CAPN5: variants seen among roughly 807,000 people sequenced by gnomAD.
CAPN5 encodes calpain 5, also known as calpain-5.
A neutral mutation model predicts 73.0 loss-of-function variants in CAPN5; 54 were observed. The ratio of observed to expected loss-of-function variants is 0.74; its 90% CI spans 0.59 to 0.93. CAPN5 has a LOEUF of 0.93. CAPN5 is among the 40% of genes least tolerant of loss of function. The pLI, the probability that CAPN5 is intolerant of heterozygous loss-of-function variation, is 0.00. For missense variants in CAPN5, 785 were observed against 882.9 expected (o/e 0.89, Z 1.41); for synonymous variants, 335 against 356.9 (o/e 0.94, Z 0.69).
rs1555042611 is a variant in CAPN5, at chr11:77,120,698, T to G, written c.1291-15T>G. Reference sequence around the variant, plus strand: ...GTGTGTCTCCGCGTGGCCCAGCCCCTCCCGCCTCCTGCAGGTGGAGGAGAA... The same window carrying G: ...GTGTGTCTCCGCGTGGCCCAGCCCCGCCCGCCTCCTGCAGGTGGAGGAGAA... On this transcript the variant is annotated splice_polypyrimidine_tract_variant and intron_variant, in intron 9 of 12. Transcript: ENST00000648180. 6.3e-7 allele frequency: 1 copy of G among 1,589,892 alleles called. No individual in the cohort carries two copies. The highest frequency in any genetic ancestry group is 2.2e-5 in the East Asian group (1 of 44,488).
intron 1 of CAPN5, among the ~76,000 whole-genome samples, chr11:77,083,471 T>G (rs1289348827): frequency 4.6e-5 from 7 of 152,180 alleles, no homozygotes; most frequent in Non-Finnish European, 8.8e-5. Flanking sequence ...AGGATCTGGG[T>G]TCCCGTCCGG....
Position 77,118,333 on chromosome 11 carries a change from C to A in CAPN5, c.1148C>A (p.Thr383Asn). Residue 383 changes from threonine (T) to asparagine (N), a missense_variant, in exon 8 of 13, where the codon ACC becomes AAC. Coordinates refer to ENST00000648180, the MANE Select transcript of CAPN5 (RefSeq NM_004055.5). The part of the protein sequence containing the change: ...RGGGCINHKD[T>N]FFQNPQYIFE... ...GGCGGCTGCATCAACCACAAGGACA[C>A]CTTCTTCCAGAACCCACAGGTGGGC... is the stretch of plus-strand genomic sequence containing the variant. The A allele has an allele frequency of 1.3e-6, 2 of 1,595,186 alleles. No homozygotes were observed. The highest frequency in any genetic ancestry group is 1.7e-6 in the Non-Finnish European group (2 of 1,170,220).
At chr11:77,108,061 G>A (rs958782550) in intron 3 of CAPN5, among the ~76,000 whole-genome samples, 9 of 152,230 alleles carry the variant, frequency 5.9e-5, no homozygotes, top group African/African-American at 2.2e-4. Flanking sequence ...TGAAAGTGAA[G>A]TCACTGCCAT....
At chr11:77,110,926 C>T (rs1950404543) in intron 3 of CAPN5, among the ~76,000 whole-genome samples, 1 of 151,828 alleles carries the variant, frequency 6.6e-6, no homozygotes, top group African/African-American at 2.4e-5. Flanking sequence ...CCCCCCATAC[C>T]TGGAGTGGTT....
chr11:77,122,553 C>A, intron 11 of CAPN5, 23 bp from the exon 12 acceptor site: 1 of 1,536,396 alleles, frequency 6.5e-7, no homozygotes, highest in Non-Finnish European at 8.9e-7. Context: ...ACCCTCACCC[C>A]ATCTCCCACT....
chr11:77,071,612 G>A (rs1049744117), intron 1 of CAPN5: 1 of 454,016 alleles, frequency 2.2e-6, no homozygotes. Context: ...TTTTACAGAT[G>A]AGAATTCTGA....
rs61670884 is a variant in CAPN5, at chr11:77,122,773, G to T, written c.1740+61G>T. On this transcript the variant is annotated intron_variant, in intron 12 of 12. Coordinates refer to ENST00000648180, the MANE Select transcript of CAPN5 (RefSeq NM_004055.5). Reference sequence around the variant, plus strand: ...CCTAGCCTGAGGCTTCCCCACTCAGGGGGACAAGCCCAGGTGGAAGACCCT... The same window carrying T: ...CCTAGCCTGAGGCTTCCCCACTCAGTGGGACAAGCCCAGGTGGAAGACCCT... 2.5e-6 allele frequency: 4 copies of T among 1,602,680 alleles called. No individual in the cohort carries two copies. The East Asian group carries it at 8.9e-5, about 36-fold the overall frequency.
chr11:77,110,632 G>A (rs782630962), intron 3 of CAPN5, among the ~76,000 whole-genome samples: 7 of 152,236 alleles, frequency 4.6e-5, no homozygotes, highest in Non-Finnish European at 8.8e-5. Flanking sequence ...AGGCTCAGGG[G>A]TGCTAGTGTG....
chr11:77,118,012 C>T (rs950424885), intron 7 of CAPN5, 145 bp from the exon 8 acceptor site: 1 of 666,664 alleles, frequency 1.5e-6, no homozygotes, highest in Non-Finnish European at 2.6e-6. Flanking sequence ...TGCCTGTGCC[C>T]TTGTGTGGGC....
rs1950567010 is a variant in CAPN5, at chr11:77,125,614, C to A, written c.*1744C>A. The A allele has an allele frequency of 7.1e-6, 1 of 140,698 alleles. No individual in the cohort carries two copies. The highest frequency in any genetic ancestry group is 2.6e-5 in the African/African-American group (1 of 38,342). 8.7% of individuals were successfully genotyped at this position (140,698 alleles called of 1,614,324 possible). The stretch of plus-strand genomic sequence containing the variant: ...CTATGTATCTCTGTATGCACACGCA[C>A]TATATATATATATATATATATATAT... On this transcript the variant is annotated 3_prime_UTR_variant, in exon 13 of 13. Transcript: ENST00000648180.
chr11:77,113,750 C>G (rs1218407157), intron 4 of CAPN5, among the ~76,000 whole-genome samples: 4 of 44,062 alleles, frequency 9.1e-5, no homozygotes, highest in East Asian at 9.0e-4. Context: ...GACCCAGTGG[C>G]CTTGGTTGTT....
intron 3 of CAPN5, among the ~76,000 whole-genome samples, chr11:77,101,924 G>A (rs1203556249): frequency 1.3e-5 from 2 of 152,240 alleles, no homozygotes; most frequent in Admixed American, 1.3e-4. Context: ...TAAGTGGTGG[G>A]ATTTGGGTAG....
chr11:77,098,919 C>T (rs1950249807), intron 3 of CAPN5, among the ~76,000 whole-genome samples: 1 of 107,062 alleles, frequency 9.3e-6, no homozygotes. Context: ...CGGAGAGGCT[C>T]CTCACTTCTC....
At chr11:77,080,822 A>G (rs1950019951) in intron 1 of CAPN5, among the ~76,000 whole-genome samples, 2 of 152,226 alleles carry the variant, frequency 1.3e-5, no homozygotes, top group African/African-American at 4.8e-5. Flanking sequence ...ACAGCAGCTC[A>G]GAGGGGTTCC....
intron 3 of CAPN5, among the ~76,000 whole-genome samples, chr11:77,097,464 G>GTTTTTTTTTTTTTTTTTTTTTTTTTTTT (rs58077755): frequency 1.3e-5 from 1 of 79,730 alleles, no homozygotes; most frequent in Non-Finnish European, 2.3e-5. Context: ...TTTCCTTCTA[G>GTTTTTTTTTTTTTTTTTTTTTTTTTTTT]TTTTTTTTTT....
chr11:77,100,490 GTGCCCCTC>G (rs1435093077), intron 3 of CAPN5, among the ~76,000 whole-genome samples: 1 of 152,094 alleles, frequency 6.6e-6, no homozygotes, highest in Non-Finnish European at 1.5e-5. Flanking sequence ...CAGAAGGTCG[GTGCCCCTC>G]TGCTCAGACC....
chr11:77,071,667 C>T (rs1555033099), intron 1 of CAPN5: 1 of 452,932 alleles, frequency 2.2e-6, no homozygotes, highest in Non-Finnish European at 4.5e-6. Flanking sequence ...GCCTCAGTCT[C>T]CCCATCTGAG....
intron 2 of CAPN5, among the ~76,000 whole-genome samples, chr11:77,087,306 A>C (rs550441267): frequency 6.6e-6 from 1 of 152,376 alleles, no homozygotes; most frequent in African/African-American, 2.4e-5. Context: ...GGCCCAGCCC[A>C]GTGGGTTATC....
At chr11:77,068,857 G>A (rs1410250560) in intron 1 of CAPN5, among the ~76,000 whole-genome samples, 2 of 152,146 alleles carry the variant, frequency 1.3e-5, no homozygotes, top group East Asian at 3.9e-4. Context: ...TGTGAGATGG[G>A]GACCACCATT....
Sources: gnomAD v4.1 joint callset for allele counts (sites outside exome capture counted in the v4.1 genomes callset) on GRCh38, gnomAD v4.1.1 for gene constraint, MANE v1.5 for transcripts, NCBI Gene and HGNC (gene_info 2026-07-23, HGNC 2026-07-21) for gene names.